The following COL4A1 variants were observed in gnomAD, a reference collection of about 807,000 sequenced individuals.
COL4A1 encodes the protein collagen type IV alpha 1 chain, also known as collagen alpha-1(IV) chain.
A neutral mutation model predicts 216.6 loss-of-function variants in COL4A1; 40 were observed. The observed-to-expected ratio is 0.18, with a 90% CI of 0.14 to 0.24. The LOEUF (loss-of-function observed/expected upper bound fraction) is 0.24, where lower values mean the gene tolerates loss of function less well. Ranked by LOEUF, COL4A1 falls within the 10% of genes least tolerant of loss-of-function variation. The probability of loss-of-function intolerance (pLI) is 1.00; values close to 1 mark genes in which losing one functional copy is unlikely to be tolerated. For missense variants in COL4A1, 1,628 were observed against 2,196.8 expected (o/e 0.74, Z 5.18); for synonymous variants, 839 against 810.7 (o/e 1.03, Z -0.59).
At chr13:110,294,783 G>C (rs1312894134) in intron 1 of COL4A1, among the ~76,000 whole-genome samples, 1 of 152,210 alleles carries the variant, frequency 6.6e-6, no homozygotes, top group Non-Finnish European at 1.5e-5. Flanking sequence ...GGCAGAAATT[G>C]TTTGCTTCTC....
chr13:110,152,683 G>A (rs538282174), intron 50 of COL4A1, among the ~76,000 whole-genome samples, 177 bp from the exon 51 acceptor site: 25 of 152,392 alleles, frequency 1.6e-4, no homozygotes, highest in African/African-American at 6.0e-4. Flanking sequence ...CCGCAAGCCA[G>A]TGCCTGCATG....
At chr13:110,282,865 T>C (rs1040063075) in intron 1 of COL4A1, among the ~76,000 whole-genome samples, 1 of 152,244 alleles carries the variant, frequency 6.6e-6, no homozygotes, top group Non-Finnish European at 1.5e-5. Flanking sequence ...AGTTCACTGA[T>C]ATGTGATTTC....
chr13:110,216,350 G>C (rs1445836585), intron 2 of COL4A1, among the ~76,000 whole-genome samples: 1 of 152,122 alleles, frequency 6.6e-6, no homozygotes, highest in Non-Finnish European at 1.5e-5. Flanking sequence ...ACCAATCTGG[G>C]GCACCCAGTT....
chr13:110,301,409 C>T (rs1884487627), intron 1 of COL4A1, among the ~76,000 whole-genome samples: 1 of 152,226 alleles, frequency 6.6e-6, no homozygotes, highest in African/African-American at 2.4e-5. Flanking sequence ...GACAATGTAA[C>T]TCCAAGCCAT....
intron 1 of COL4A1, among the ~76,000 whole-genome samples, chr13:110,267,847 AATT>A (rs1447101016): frequency 6.6e-6 from 1 of 152,170 alleles, no homozygotes; most frequent in Non-Finnish European, 1.5e-5. Context: ...GGCAATAGGT[AATT>A]ATTATTATAT....
At chr13:110,176,347 G>A in intron 36 of COL4A1, 77 bp downstream of exon 36, 2 of 971,942 alleles carry the variant, frequency 2.1e-6, no homozygotes, top group Non-Finnish European at 3.4e-6. Flanking sequence ...CAGCTGAAGA[G>A]GATCTCATTC....
In COL4A1 at chr13:110,187,442, T is replaced by C. The variant is rs1231505440; in HGVS notation, c.1537-113A>G. 5.0e-6 allele frequency: 6 copies of C among 1,190,638 alleles called. No homozygotes were observed. The African/African-American group carries it at 6.0e-5, about 12-fold the overall frequency. 73.8% of individuals were successfully genotyped at this position (1,190,638 alleles called of 1,614,324 possible). On this transcript the variant is annotated intron_variant, in intron 24 of 51. Coordinates refer to ENST00000375820, the MANE Select transcript of COL4A1 (RefSeq NM_001845.6). ...GAAGCCACCTTCTTGAAAATGGTCA[T>C]GCATTCATGCCTCATCATTGATTTT...
chr13:110,276,122 G>T (rs944314592), intron 1 of COL4A1, among the ~76,000 whole-genome samples: 3 of 151,970 alleles, frequency 2.0e-5, no homozygotes, highest in African/African-American at 7.3e-5. Context: ...ACTCTGGTGC[G>T]GGATGTAGAG....
At chr13:110,293,340 G>A (rs1884159008) in intron 1 of COL4A1, among the ~76,000 whole-genome samples, 1 of 152,222 alleles carries the variant, frequency 6.6e-6, no homozygotes, top group African/African-American at 2.4e-5. Context: ...TGTAGAGGTA[G>A]CGGCTGCTGC....
At chr13:110,260,181 TG>T (rs1181371999) in intron 1 of COL4A1, among the ~76,000 whole-genome samples, 2 of 152,160 alleles carry the variant, frequency 1.3e-5, no homozygotes, top group East Asian at 3.8e-4. Context: ...TCCACATGGC[TG>T]GGGAGACCTC....
intron 47 of COL4A1, among the ~76,000 whole-genome samples, chr13:110,163,000 A>G (rs1054669097): frequency 1.3e-5 from 2 of 152,222 alleles, no homozygotes; most frequent in South Asian, 4.1e-4. Context: ...TGCTGGGCTG[A>G]GCTCTTTGTT....
intron 21 of COL4A1, among the ~76,000 whole-genome samples, 185 bp from the exon 22 acceptor site, chr13:110,195,303 C>T (rs1418810016): frequency 6.6e-6 from 1 of 152,220 alleles, no homozygotes; most frequent in Non-Finnish European, 1.5e-5. Flanking sequence ...CACACACCAC[C>T]CACCACCCAC....
chr13:110,250,751 C>T (rs977568609), intron 1 of COL4A1, among the ~76,000 whole-genome samples: 2 of 152,130 alleles, frequency 1.3e-5, no homozygotes, highest in South Asian at 2.1e-4. Flanking sequence ...TGACCTGGGG[C>T]GAGCCTTCCC....
At chr13:110,157,176 C>T (rs1876823934) in intron 49 of COL4A1, among the ~76,000 whole-genome samples, 1 of 152,176 alleles carries the variant, frequency 6.6e-6, no homozygotes, top group Admixed American at 6.5e-5. Context: ...AAACTAAGGC[C>T]AGGGTTAGTT....
intron 2 of COL4A1, among the ~76,000 whole-genome samples, chr13:110,234,547 A>G (rs1431382597): frequency 6.6e-6 from 1 of 151,886 alleles, no homozygotes; most frequent in Non-Finnish European, 1.5e-5. Flanking sequence ...GTGCCACTGT[A>G]CTCCAGCCTG....
chr13:110,172,627 C>G lies in COL4A1; in HGVS notation c.3556+93G>C, dbSNP rs2289799. The G allele has an allele frequency of 0.36, 448,362 of 1,250,774 alleles. 81,778 individuals carry two copies. The highest frequency in any genetic ancestry group is 0.38 in the Admixed American group (22,738 of 59,536). The allele number at this position is 1,250,774 out of a possible 1,614,324, so 77.5% of individuals were successfully genotyped here. On this transcript the variant is annotated intron_variant, in intron 41 of 51. Transcript: ENST00000375820. ...ATCCCGTTGCTGCCTGGCCAACAGGCATGGGGCTTCATCCTGAAGACACTG... is the reference window on the plus strand; with the variant it reads ...ATCCCGTTGCTGCCTGGCCAACAGGGATGGGGCTTCATCCTGAAGACACTG...
intron 4 of COL4A1, 61 bp from the exon 5 acceptor site, chr13:110,212,679 T>C: frequency 6.3e-7 from 1 of 1,585,028 alleles, no homozygotes; most frequent in South Asian, 1.1e-5. Flanking sequence ...TTCCTCCTCC[T>C]GCATCTCCCC....
chr13:110,225,539 T>G (rs1880698133), intron 2 of COL4A1, among the ~76,000 whole-genome samples: 1 of 152,130 alleles, frequency 6.6e-6, no homozygotes, highest in African/African-American at 2.4e-5. Context: ...GCCGAGATCA[T>G]GCCATTGCAC....
intron 41 of COL4A1, 123 bp downstream of exon 41, chr13:110,172,597 C>T: frequency 2.2e-6 from 2 of 916,016 alleles, no homozygotes; most frequent in South Asian, 1.3e-5. Context: ...CAGCACCCAT[C>T]CTCCATCCCG....
Sources: gnomAD v4.1 joint callset for allele counts (sites outside exome capture counted in the v4.1 genomes callset) on GRCh38, gnomAD v4.1.1 for gene constraint, MANE v1.5 for transcripts, NCBI Gene and HGNC (gene_info 2026-07-23, HGNC 2026-07-21) for gene names.